CLVS2: variants seen among roughly 807,000 people sequenced by gnomAD.
CLVS2 encodes the protein clavesin 2.
CLVS2 carries 19 observed loss-of-function variants against 29.0 expected under a neutral mutation model. The observed-to-expected ratio is 0.66, with a 90% CI of 0.46 to 0.96. CLVS2 has a LOEUF of 0.96. CLVS2 is among the 40% of genes least tolerant of loss of function. The pLI, the probability that CLVS2 is intolerant of heterozygous loss-of-function variation, is 0.00. For missense variants in CLVS2, 294 were observed against 404.1 expected, an observed-to-expected ratio of 0.73 and a Z score of 2.34; for synonymous variants, 161 against 151.3, an observed-to-expected ratio of 1.06 and a Z score of -0.47.
chr6:123,040,943 A>G (rs1775221167), intron 3 of CLVS2, among the ~76,000 whole-genome samples: 1 of 152,180 alleles, frequency 6.6e-6, no homozygotes, highest in South Asian at 2.1e-4. Context: ...TATGATTACA[A>G]TAATGATAAG....
At position 123,071,164 on chromosome 6, in the gene CLVS2, A is replaced by C. The variant is rs1265704701; in HGVS notation, c.*7403A>C. 1.3e-5 allele frequency: 2 copies of C among 152,026 alleles called. No individual in the cohort carries two copies. The highest frequency in any genetic ancestry group is 2.1e-4 in the South Asian group (1 of 4,836). The allele number at this position is 152,026 out of a possible 1,614,324, so 9.4% of individuals were successfully genotyped here. Reference sequence around the variant, plus strand: ...CTACTGCATTACTGGTGCCTTGTACAGTCCCTGGAACTTAACAAATCCAAA... The same window carrying C: ...CTACTGCATTACTGGTGCCTTGTACCGTCCCTGGAACTTAACAAATCCAAA... On this transcript the variant is annotated 3_prime_UTR_variant, in exon 6 of 6. Coordinates refer to ENST00000275162, the MANE Select transcript of CLVS2 (RefSeq NM_001010852.4).
intron 3 of CLVS2, among the ~76,000 whole-genome samples, chr6:123,032,599 T>G (rs865821023): frequency 6.6e-6 from 1 of 152,042 alleles, no homozygotes; most frequent in African/African-American, 2.4e-5. Context: ...ACAAAGAAAA[T>G]TATAAAAGCG....
intron 5 of CLVS2, among the ~76,000 whole-genome samples, chr6:123,057,125 C>A (rs892101871): frequency 6.6e-6 from 1 of 152,082 alleles, no homozygotes; most frequent in African/African-American, 2.4e-5. Context: ...ATAACAGTAA[C>A]AAATATTACT....
intron 3 of CLVS2, among the ~76,000 whole-genome samples, chr6:123,012,618 G>A (rs1774766209): frequency 6.6e-6 from 1 of 151,910 alleles, no homozygotes; most frequent in African/African-American, 2.4e-5. Flanking sequence ...GAGATGTTTG[G>A]GAGCTTCCTT....
intron 3 of CLVS2, among the ~76,000 whole-genome samples, chr6:123,030,845 T>TA (rs1226907262): frequency 6.8e-6 from 1 of 147,992 alleles, no homozygotes; most frequent in African/African-American, 2.5e-5. Flanking sequence ...AAAATATATA[T>TA]ATATACACAC....
chr6:123,049,478 G>T (rs73769351), intron 4 of CLVS2, among the ~76,000 whole-genome samples: 38,003 of 151,906 alleles, frequency 0.25, 5,662 homozygotes, highest in East Asian at 0.67. Flanking sequence ...TCCTGTTTTA[G>T]AGCTGAAGAA....
At chr6:123,016,112 C>T (rs181781281) in intron 3 of CLVS2, among the ~76,000 whole-genome samples, 5 of 123,818 alleles carry the variant, frequency 4.0e-5, no homozygotes, top group African/African-American at 1.2e-4. Context: ...AGAAAGTATT[C>T]GGCTTTGATA....
At chr6:123,055,732 C>A in intron 4 of CLVS2, 74 bp from the exon 5 acceptor site, 3 of 1,046,892 alleles carry the variant, frequency 2.9e-6, no homozygotes, top group East Asian at 2.4e-5. Context: ...ATCCTCACAT[C>A]CCCCCTGTAG....
intron 3 of CLVS2, among the ~76,000 whole-genome samples, chr6:123,012,973 A>G (rs1774772684): frequency 1.3e-5 from 2 of 152,050 alleles, no homozygotes; most frequent in Admixed American, 6.6e-5. Flanking sequence ...TGACTTTTTA[A>G]TGCTATATAA....
At chr6:123,002,817 G>T (rs1179424337) in intron 2 of CLVS2, among the ~76,000 whole-genome samples, 1 of 152,170 alleles carries the variant, frequency 6.6e-6, no homozygotes, top group Non-Finnish European at 1.5e-5. Flanking sequence ...TACTGGCAGA[G>T]TCTGGAGTCT....
rs1772942374 is a variant in CLVS2, at chr6:123,071,221, C to G, written c.*7460C>G. 6.6e-6 allele frequency: 1 copy of G among 151,996 alleles called. No homozygotes were observed. Among genetic ancestry groups the G allele is most frequent in the African/African-American group, 2.4e-5 (1 of 41,408 alleles). 9.4% of individuals were successfully genotyped at this position (151,996 alleles called of 1,614,324 possible). Reference sequence around the variant, plus strand: ...TCATGAGGATCCTAATTTGTTTCAGCAAGTTATGTAACGGCCAATAGTATG... The same window carrying G: ...TCATGAGGATCCTAATTTGTTTCAGGAAGTTATGTAACGGCCAATAGTATG... On this transcript the variant is annotated 3_prime_UTR_variant, in exon 6 of 6. Transcript: ENST00000275162.
At chr6:123,016,641 G>A (rs1166067355) in intron 3 of CLVS2, among the ~76,000 whole-genome samples, 6 of 152,060 alleles carry the variant, frequency 3.9e-5, no homozygotes, top group Non-Finnish European at 8.8e-5. Context: ...GCTGTAACAA[G>A]GGATTGAATA....
intron 3 of CLVS2, among the ~76,000 whole-genome samples, chr6:123,031,300 C>A (rs1775080842): frequency 1.3e-5 from 2 of 152,068 alleles, no homozygotes; most frequent in African/African-American, 4.8e-5. Flanking sequence ...AAAATGTTAT[C>A]ATTACCTCTG....
chr6:123,055,059 A>G (rs1466952106), intron 4 of CLVS2, among the ~76,000 whole-genome samples: 2 of 152,134 alleles, frequency 1.3e-5, no homozygotes, highest in Admixed American at 1.3e-4. Flanking sequence ...AAATGAGGAG[A>G]GCATTTTGTC....
rs2114382148 is a variant in CLVS2 at position 123,071,784 on chromosome 6, A to T, written c.*8023A>T. ...TCCATGATCTTGAAATCTATATATT[A>T]TAGTCATTTAGTCTGTGAACCATTT... On this transcript the variant is annotated 3_prime_UTR_variant, in exon 6 of 6. Transcript: ENST00000275162. 6.6e-6 allele frequency: 1 copy of T among 152,106 alleles called. No homozygotes were observed. The highest frequency in any genetic ancestry group is 1.9e-4 in the East Asian group (1 of 5,168). The allele number at this position is 152,106 out of a possible 1,614,324, so 9.4% of individuals were successfully genotyped here. A position where few individuals can be genotyped will look rare whatever the true frequency, so the allele number is the denominator to read the frequency against.
intron 2 of CLVS2, among the ~76,000 whole-genome samples, chr6:123,000,374 A>G (rs1036329664): frequency 1.3e-5 from 2 of 152,136 alleles, no homozygotes; most frequent in Non-Finnish European, 2.9e-5. Flanking sequence ...ACATAACCCA[A>G]TGACAGGGAC....
At chr6:123,036,288 A>G (rs868775684) in intron 3 of CLVS2, among the ~76,000 whole-genome samples, 1 of 152,182 alleles carries the variant, frequency 6.6e-6, no homozygotes, top group Non-Finnish European at 1.5e-5. Context: ...TTACTTTCCA[A>G]TAAAGTCACA....
intron 3 of CLVS2, among the ~76,000 whole-genome samples, chr6:123,036,017 C>A (rs1582656501): frequency 6.6e-6 from 1 of 152,064 alleles, no homozygotes; most frequent in African/African-American, 2.4e-5. Context: ...GAGATGCTTG[C>A]ATATCTTCCA....
At chr6:123,023,209 T>C (rs1351577810) in intron 3 of CLVS2, among the ~76,000 whole-genome samples, 6 of 152,084 alleles carry the variant, frequency 3.9e-5, no homozygotes, top group Non-Finnish European at 8.8e-5. Context: ...TGGTGTGTCC[T>C]TTTCTCTGCA....
Sources: gnomAD v4.1 joint callset for allele counts (sites outside exome capture counted in the v4.1 genomes callset) on GRCh38, gnomAD v4.1.1 for gene constraint, MANE v1.5 for transcripts, NCBI Gene and HGNC (gene_info 2026-07-23, HGNC 2026-07-21) for gene names.